SORBS2: variants seen among roughly 807,000 people sequenced by gnomAD.
SORBS2 encodes sorbin and SH3 domain-containing protein 2.
SORBS2 carries 46 observed loss-of-function variants against 97.7 expected under a neutral mutation model. The observed-to-expected ratio is 0.47, with a 90% CI of 0.37 to 0.60. The LOEUF is 0.60. Ranked by LOEUF, SORBS2 falls within the 20% of genes least tolerant of loss-of-function variation. The probability of loss-of-function intolerance (pLI) is 0.00; values close to 1 mark genes in which losing one functional copy is unlikely to be tolerated. For missense variants in SORBS2, 1,316 were observed against 1,282.3 expected, an observed-to-expected ratio of 1.03 and a Z score of -0.40; for synonymous variants, 476 against 473.4, an observed-to-expected ratio of 1.01 and a Z score of -0.07.
chr4:185,671,989 C>A (rs141157529), intron 4 of SORBS2, among the ~76,000 whole-genome samples: 2 of 152,192 alleles, frequency 1.3e-5, no homozygotes, highest in African/African-American at 2.4e-5. Context: ...CATATGCATG[C>A]GCATGCACAG....
intron 2 of SORBS2, among the ~76,000 whole-genome samples, chr4:185,710,416 A>G (rs753140841): frequency 8.5e-5 from 13 of 152,358 alleles, no homozygotes; most frequent in Admixed American, 2.6e-4. Flanking sequence ...CAAACCTTTT[A>G]TGTACATGAT....
At chr4:185,590,923 C>G (rs1255700573) in intron 13 of SORBS2, among the ~76,000 whole-genome samples, 1 of 152,168 alleles carries the variant, frequency 6.6e-6, no homozygotes, top group Non-Finnish European at 1.5e-5. Flanking sequence ...TCATGTCATT[C>G]TGCTAATGTG....
At chr4:185,884,465 AAAG>A (rs1455708320) in intron 1 of SORBS2, among the ~76,000 whole-genome samples, 12 of 152,226 alleles carry the variant, frequency 7.9e-5, no homozygotes, top group African/African-American at 2.9e-4. Context: ...TTAAAATAAA[AAAG>A]TTTTATTTTT....
chr4:185,861,751 A>G (rs2648123), intron 1 of SORBS2, among the ~76,000 whole-genome samples: 70,072 of 151,670 alleles, frequency 0.46, 16,701 homozygotes, highest in African/African-American at 0.54. Flanking sequence ...GATTACAGGC[A>G]CCTGCCACTG....
At chr4:185,779,819 G>C (rs1355959439) in intron 1 of SORBS2, among the ~76,000 whole-genome samples, 1 of 152,048 alleles carries the variant, frequency 6.6e-6, no homozygotes. Flanking sequence ...AAATATTTTA[G>C]TGCTTAGGGC....
At chr4:185,910,211 T>C (rs1323525878) in intron 1 of SORBS2, among the ~76,000 whole-genome samples, 1 of 151,996 alleles carries the variant, frequency 6.6e-6, no homozygotes. Flanking sequence ...AGCACTGGAG[T>C]ACAATGTGTG....
chr4:185,757,204 T>C (rs1304842862), intron 2 of SORBS2: 1 of 338,008 alleles, frequency 3.0e-6, no homozygotes, highest in East Asian at 6.4e-5. Flanking sequence ...CAGTGGCTTT[T>C]ATTCTGACAT....
exon 1 of SORBS2, chr4:185,656,952 C>T: frequency 8.8e-7 from 1 of 1,140,878 alleles, no homozygotes. Context: ...AATCATCTCA[C>T]CTCCCAACTC....
At chr4:185,683,020 A>AG (rs1419130568) in intron 2 of SORBS2, among the ~76,000 whole-genome samples, 1 of 150,658 alleles carries the variant, frequency 6.6e-6, no homozygotes, top group African/African-American at 2.4e-5. Context: ...GTCTCAAAAA[A>AG]AAAAAAAAAG....
At chr4:185,887,960 ATGTGTGTGTGTG>A (rs60130240) in intron 1 of SORBS2, among the ~76,000 whole-genome samples, 1 of 38,458 alleles carries the variant, frequency 2.6e-5, no homozygotes, top group African/African-American at 5.7e-5. Flanking sequence ...GTATATATAT[ATGTGTGTGTGTG>A]TGTGTGTGTG....
intron 2 of SORBS2, among the ~76,000 whole-genome samples, chr4:185,724,412 T>C (rs2098541019): frequency 6.6e-6 from 1 of 152,092 alleles, no homozygotes; most frequent in Non-Finnish European, 1.5e-5. Context: ...TAGTATTTTC[T>C]AGAGTGCTGT....
At chr4:185,827,729 CCATCAT>C (rs2099202191) in intron 1 of SORBS2, among the ~76,000 whole-genome samples, 2 of 61,738 alleles carry the variant, frequency 3.2e-5, no homozygotes, top group African/African-American at 1.4e-4. Context: ...ACCATCATCA[CCATCAT>C]CATCACCATC....
chr4:185,914,153 T>C lies in SORBS2; in HGVS notation c.-338+42043A>G, dbSNP rs138975175. Among the ~76,000 whole-genome samples the C allele has an allele frequency of 2.2e-3, 332 of 152,358 alleles. 1 individual carries two copies. Among genetic ancestry groups the C allele is most frequent in the African/African-American group, 7.7e-3 (319 of 41,588 alleles). On this transcript the variant is annotated intron_variant, in intron 1 of 20. Transcript: ENST00000284776. Reference sequence around the variant, plus strand: ...GGACAATAACTAGCTTGCTCTAGCTTTGCCAATGTTGCCACAACCATCTAT... The same window carrying C: ...GGACAATAACTAGCTTGCTCTAGCTCTGCCAATGTTGCCACAACCATCTAT...
intron 4 of SORBS2, among the ~76,000 whole-genome samples, chr4:185,670,442 T>A (rs1256736798): frequency 6.6e-6 from 1 of 152,066 alleles, no homozygotes; most frequent in African/African-American, 2.4e-5. Flanking sequence ...AGGTCAAGGA[T>A]CCTAACATCT....
At chr4:185,784,256 CGA>C (rs2099045468) in intron 1 of SORBS2, among the ~76,000 whole-genome samples, 1 of 152,098 alleles carries the variant, frequency 6.6e-6, no homozygotes, top group Non-Finnish European at 1.5e-5. Context: ...CTCAGCCTCC[CGA>C]GTAGCTGGGA....
intron 1 of SORBS2, among the ~76,000 whole-genome samples, chr4:185,896,822 C>T (rs1276714859): frequency 6.7e-6 from 1 of 150,142 alleles, no homozygotes; most frequent in South Asian, 2.1e-4. Context: ...CTGGGTGGTG[C>T]GTTGCCCTCA....
intron 2 of SORBS2, among the ~76,000 whole-genome samples, chr4:185,760,229 C>A (rs2098867380): frequency 6.6e-6 from 1 of 152,124 alleles, no homozygotes; most frequent in Non-Finnish European, 1.5e-5. Flanking sequence ...ATGTGTTGGC[C>A]AAATATGAGG....
At position 185,803,156 on chromosome 4, in the gene SORBS2, C is replaced by T. The variant is rs1214937982; in HGVS notation, c.-337-27790G>A. ...AGGCCTTTTCTGCACCATGCAAACC[C>T]AGCACCTCTTCTCACAGGCTGGGCT... is the stretch of plus-strand genomic sequence containing the variant. On this transcript the variant is annotated intron_variant, in intron 1 of 20. Coordinates refer to the SORBS2 transcript ENST00000284776. Among the ~76,000 whole-genome samples, 8 of 152,150 alleles carry T rather than the reference C, an allele frequency of 5.3e-5. 1 individual carries two copies. The highest frequency in any genetic ancestry group is 5.2e-4 in the Admixed American group (8 of 15,272).
In SORBS2 at chr4:185,770,975, C is replaced by CTTTTTTTTTTTT. The variant is rs747070975; in HGVS notation, c.-198+4240_-198+4251dup. ...CTTTCCCTGGCATTTTCATCGTTTCCTTTTTTTTTTTTTTTTTTTTTTGAG... is the reference window on the plus strand; with the variant it reads ...CTTTCCCTGGCATTTTCATCGTTTCCTTTTTTTTTTTTTTTTTTTTTTTTTTTTTTTTTTGAG... On this transcript the variant is annotated intron_variant, in intron 2 of 20. Transcript: ENST00000284776. 3 of 72,728 alleles carry CTTTTTTTTTTTT rather than the reference C, an allele frequency of 4.1e-5. 1 individual carries two copies. The highest frequency in any genetic ancestry group is 2.5e-5 in the Non-Finnish European group (1 of 39,708). The allele number at this position is 72,728 out of a possible 1,614,324, so 4.5% of individuals were successfully genotyped here. A position where few individuals can be genotyped will look rare whatever the true frequency, so the allele number is the denominator to read the frequency against.
Sources: gnomAD v4.1 joint callset for allele counts (sites outside exome capture counted in the v4.1 genomes callset) on GRCh38, gnomAD v4.1.1 for gene constraint, MANE v1.5 for transcripts, NCBI Gene and HGNC (gene_info 2026-07-23, HGNC 2026-07-21) for gene names.